LHFPL6: variants seen among roughly 807,000 people sequenced by gnomAD.
LHFPL6 encodes the protein LHFPL tetraspan subfamily member 6 protein.
A neutral mutation model predicts 20.6 loss-of-function variants in LHFPL6; 9 were observed. The observed-to-expected ratio is 0.44, with a 90% CI of 0.26 to 0.76. LHFPL6 has a LOEUF of 0.76. LHFPL6 is among the 30% of genes least tolerant of loss of function. LHFPL6 has a pLI of 0.20. For synonymous variants in LHFPL6, 105 were observed against 98.7 expected, an observed-to-expected ratio of 1.06 and a Z score of -0.38; for missense variants, 218 against 253.5, an observed-to-expected ratio of 0.86 and a Z score of 0.95.
chr13:39,427,228 G>A (rs1161025631), intron 2 of LHFPL6, among the ~76,000 whole-genome samples: 1 of 152,174 alleles, frequency 6.6e-6, no homozygotes, highest in Non-Finnish European at 1.5e-5. Context: ...CATGGCATCT[G>A]AGAATAAAAA....
At chr13:39,380,700 C>T (rs1162984669) in intron 2 of LHFPL6, among the ~76,000 whole-genome samples, 1 of 152,046 alleles carries the variant, frequency 6.6e-6, no homozygotes, top group African/African-American at 2.4e-5. Flanking sequence ...ACCATGTTGA[C>T]CAGGCTGATC....
intron 2 of LHFPL6, among the ~76,000 whole-genome samples, chr13:39,468,273 A>C (rs2138434562): frequency 6.6e-6 from 1 of 152,150 alleles, no homozygotes; most frequent in African/African-American, 2.4e-5. Context: ...TTACTTCTTT[A>C]TTCTTACTTA....
chr13:39,559,850 C>T (rs901014462), intron 2 of LHFPL6, among the ~76,000 whole-genome samples: 1 of 152,200 alleles, frequency 6.6e-6, no homozygotes, highest in African/African-American at 2.4e-5. Context: ...TTGGGGAGTA[C>T]TACGGCAGTC....
At chr13:39,560,607 C>T (rs1336514288) in intron 2 of LHFPL6, among the ~76,000 whole-genome samples, 1 of 151,100 alleles carries the variant, frequency 6.6e-6, no homozygotes, top group South Asian at 2.1e-4. Context: ...CCCCGCCTCC[C>T]GGGTTCACGC....
rs1283114342 is a variant in LHFPL6, at chr13:39,360,659, G to A, written c.485-16605C>T. ...CTGGAGTAGGAGGAGTAAGGAAAGA[G>A]CTCTACAGAGACATGCATTAGAGGG... On this transcript the variant is annotated intron_variant, in intron 3 of 3. Coordinates refer to ENST00000379589, the MANE Select transcript of LHFPL6 (RefSeq NM_005780.3). 1.5e-4 allele frequency among the ~76,000 whole-genome samples: 14 copies of A among 93,600 alleles called. 2 individuals carry two copies. Among genetic ancestry groups the A allele is most frequent in the African/African-American group, 4.4e-4 (14 of 31,826 alleles). The allele number at this position is 93,600 out of a possible 152,430, so 61.4% of individuals were successfully genotyped here.
intron 3 of LHFPL6, among the ~76,000 whole-genome samples, chr13:39,369,120 AAAG>A (rs1443558425): frequency 6.6e-6 from 1 of 152,006 alleles, no homozygotes; most frequent in Non-Finnish European, 1.5e-5. Context: ...AAAAAAAAAA[AAAG>A]AAGAATCTTT....
At chr13:39,527,167 T>G (rs1457254460) in intron 2 of LHFPL6, among the ~76,000 whole-genome samples, 2 of 152,220 alleles carry the variant, frequency 1.3e-5, no homozygotes, top group Non-Finnish European at 2.9e-5. Context: ...AGGGCGTTTA[T>G]GTTTTCCTTT....
chr13:39,506,114 T>C (rs1869469801), intron 2 of LHFPL6, among the ~76,000 whole-genome samples: 1 of 152,244 alleles, frequency 6.6e-6, no homozygotes, highest in Admixed American at 6.5e-5. Flanking sequence ...TATGGTTTTA[T>C]ACTACACTAT....
chr13:39,541,651 A>T (rs1298288143), intron 2 of LHFPL6, among the ~76,000 whole-genome samples: 1 of 152,162 alleles, frequency 6.6e-6, no homozygotes, highest in African/African-American at 2.4e-5. Flanking sequence ...CATCTGTTGG[A>T]GTATTTAGCC....
chr13:39,368,630 G>C (rs17059694), intron 3 of LHFPL6, among the ~76,000 whole-genome samples: 3 of 138,152 alleles, frequency 2.2e-5, no homozygotes, highest in South Asian at 5.9e-4. Flanking sequence ...TCAGAAAAAA[G>C]GACTGAAGAT....
rs534538294 is a variant in LHFPL6 at position 39,401,949 on chromosome 13, AG to A, written c.386-23424del. On this transcript the variant is annotated intron_variant, in intron 2 of 3. Coordinates refer to ENST00000379589, the MANE Select transcript of LHFPL6 (RefSeq NM_005780.3). ...GGGTTATTTAGATAACAGGTTTCTT[AG>A]TACTTTTAGACAGATGTATACCGTC... 9.8e-5 allele frequency among the ~76,000 whole-genome samples: 15 copies of A among 152,312 alleles called. No homozygotes were observed. The South Asian group carries it at 2.7e-3, about 27-fold the overall frequency.
chr13:39,432,385 G>A (rs1423147025), intron 2 of LHFPL6, among the ~76,000 whole-genome samples: 1 of 151,984 alleles, frequency 6.6e-6, no homozygotes, highest in Non-Finnish European at 1.5e-5. Context: ...CTTCACTCCT[G>A]TCTCTGACCT....
In LHFPL6 at chr13:39,375,761, T is replaced by C. The variant is rs533362205; in HGVS notation, c.484+2667A>G. Among the ~76,000 whole-genome samples the C allele has an allele frequency of 4.6e-5, 7 of 151,806 alleles. No individual in the cohort carries two copies. The South Asian group carries it at 1.2e-3, about 27-fold the overall frequency. ...CTATGCCACACTTTCTCTTTAGGTC[T>C]TCTTTTCAAAGAATAGATAACAGAG... is the stretch of plus-strand genomic sequence containing the variant. On this transcript the variant is annotated intron_variant, in intron 3 of 3. Coordinates refer to ENST00000379589, the MANE Select transcript of LHFPL6 (RefSeq NM_005780.3).
At chr13:39,367,700 A>ATAT (rs1870047754) in intron 3 of LHFPL6, among the ~76,000 whole-genome samples, 5 of 152,220 alleles carry the variant, frequency 3.3e-5, no homozygotes, top group African/African-American at 1.2e-4. Flanking sequence ...AAAGCTATGA[A>ATAT]TATTCTCTCC....
chr13:39,420,969 C>T (rs187725784), intron 2 of LHFPL6, among the ~76,000 whole-genome samples: 1 of 152,108 alleles, frequency 6.6e-6, no homozygotes, highest in Admixed American at 6.5e-5. Flanking sequence ...TTTTTCCCCC[C>T]CCTCAAAACT....
Position 39,449,471 on chromosome 13 carries a change from T to C in LHFPL6, c.386-70945A>G, listed in dbSNP as rs12585208. Reference sequence around the variant, plus strand: ...GTATTTTCCAACATTGCAATTGTTATGATTTTCCCACAATATTATTTACAG... The same window carrying C: ...GTATTTTCCAACATTGCAATTGTTACGATTTTCCCACAATATTATTTACAG... On this transcript the variant is annotated intron_variant, in intron 2 of 3. Transcript: ENST00000379589. Among the ~76,000 whole-genome samples, 3,039 of 152,346 alleles carry C rather than the reference T, an allele frequency of 0.02. 331 individuals carry two copies. In the East Asian group the frequency reaches 0.32, roughly 16 times the overall value.
chr13:39,345,090 A>G (rs1869355535), intron 3 of LHFPL6, among the ~76,000 whole-genome samples: 1 of 152,264 alleles, frequency 6.6e-6, no homozygotes, highest in Admixed American at 6.5e-5. Context: ...CGGTCTTACC[A>G]TCTTATCAGA....
chr13:39,592,355 T>C (rs1040690185), intron 2 of LHFPL6, among the ~76,000 whole-genome samples: 8 of 152,014 alleles, frequency 5.3e-5, no homozygotes, highest in Non-Finnish European at 1.2e-4. Context: ...TCCACACAAA[T>C]AAACTAGAAA....
Position 39,343,738 on chromosome 13 carries a change from A to T in LHFPL6, c.*198T>A, listed in dbSNP as rs1159857105. The T allele has an allele frequency of 5.5e-6, 3 of 540,776 alleles. No individual in the cohort carries two copies. Among genetic ancestry groups the T allele is most frequent in the Non-Finnish European group, 9.8e-6 (3 of 304,972 alleles). 33.5% of individuals were successfully genotyped at this position (540,776 alleles called of 1,614,324 possible). On this transcript the variant is annotated 3_prime_UTR_variant, in exon 4 of 4. Coordinates refer to ENST00000379589, the MANE Select transcript of LHFPL6 (RefSeq NM_005780.3). ...GGTCCATTTTTCTCCATCATTCTATACTCTCCTTTTTTTTCCCCCACAAAT... is the reference window on the plus strand; with the variant it reads ...GGTCCATTTTTCTCCATCATTCTATTCTCTCCTTTTTTTTCCCCCACAAAT...
Sources: gnomAD v4.1 joint callset for allele counts (sites outside exome capture counted in the v4.1 genomes callset) on GRCh38, gnomAD v4.1.1 for gene constraint, MANE v1.5 for transcripts, NCBI Gene and HGNC (gene_info 2026-07-23, HGNC 2026-07-21) for gene names.